The following SYNJ1 variants were observed in gnomAD, a reference collection of about 807,000 sequenced individuals.
SYNJ1 encodes synaptojanin 1.
In SYNJ1, 78 loss-of-function variants were observed where a neutral mutation model predicts 168.2. The observed-to-expected ratio is 0.46, with a 90% confidence interval of 0.39 to 0.56. SYNJ1 has a LOEUF of 0.56. SYNJ1 is among the 20% of genes least tolerant of loss of function. The pLI is 0.00. For synonymous variants in SYNJ1, 539 were observed against 548.6 expected (o/e 0.98, Z 0.24); for missense variants, 1,303 against 1,597.6 (o/e 0.82, Z 3.14).
At chr21:32,701,338 C>G (rs1362612024) in intron 3 of SYNJ1, among the ~76,000 whole-genome samples, 1 of 152,130 alleles carries the variant, frequency 6.6e-6, no homozygotes, top group Non-Finnish European at 1.5e-5. Flanking sequence ...TTTAGTTGAG[C>G]TGACTTTTTT....
At position 32,702,051 on chromosome 21, in the gene SYNJ1, CA is replaced by C. The variant is rs769191151; in HGVS notation, c.125-5del. On this transcript the variant is annotated splice_region_variant and splice_polypyrimidine_tract_variant and intron_variant, in intron 2 of 32. Coordinates refer to ENST00000674351, the MANE Select transcript of SYNJ1 (RefSeq NM_203446.3). ...ATTGCCTCTTTTTCTGCAGATGCTACAAAAAAAAGTTTTAGTTTAAGAAAAA... is the reference window on the plus strand; with the variant it reads ...ATTGCCTCTTTTTCTGCAGATGCTACAAAAAAAGTTTTAGTTTAAGAAAAA... 121 of 1,541,752 alleles carry C rather than the reference CA, an allele frequency of 7.8e-5. No homozygotes were observed. Among genetic ancestry groups the C allele is most frequent in the South Asian group, 2.7e-4 (21 of 78,078 alleles).
chr21:32,685,949 T>C, intron 8 of SYNJ1, 32 bp from the exon 9 acceptor site: 1 of 1,588,646 alleles, frequency 6.3e-7, no homozygotes, highest in Non-Finnish European at 8.5e-7. Flanking sequence ...TTCATCTAAA[T>C]GAAAGTAAAA....
chr21:32,656,826 T>C lies in SYNJ1; in HGVS notation c.2656A>G (p.Ile886Val). The C allele has an allele frequency of 6.2e-7, 1 of 1,614,184 alleles. No individual in the cohort carries two copies. Residue 886 changes from isoleucine to valine, a missense_variant, in exon 21 of 33, where the codon ATT (isoleucine) becomes GTT (valine). Around this residue, in one of 2 missense-constraint regions of SYNJ1, gnomAD observed 920 missense variants for 1,208.8 expected, o/e 0.76. Transcript: ENST00000674351. ...CCATCTGGTGGACCCTGAACTGCAA[T>C]TACTTCTTTATAAATGTTTTGCCTC... ...EERQNIYKEV[I>V]AVQGPPDGTV...
intron 19 of SYNJ1, 114 bp downstream of exon 19, chr21:32,657,602 A>G: frequency 1.1e-6 from 1 of 936,786 alleles, no homozygotes; most frequent in Non-Finnish European, 1.5e-6. Context: ...TATTTATTCT[A>G]TTCCAGTTAA....
chr21:32,657,173 C>A (rs977088067), intron 19 of SYNJ1, 53 bp from the exon 20 acceptor site: 2 of 1,237,526 alleles, frequency 1.6e-6, no homozygotes, highest in Admixed American at 1.8e-5. Context: ...CAGGACAGAT[C>A]GTGTAGAGCA....
In SYNJ1 at chr21:32,645,714, G is replaced by T. The variant is rs765767792; in HGVS notation, c.3323C>A (p.Pro1108Gln). The change falls in exon 25 of 33, where the codon CCG becomes CAG. Residue 1108 changes from proline (P) to glutamine (Q), a missense_variant. By Grantham distance (76) the Pro-to-Gln change is moderately conservative (BLOSUM62 -1). This residue lies in a region of SYNJ1 where 383 missense variants were observed against 388.8 expected (regional missense o/e 0.99). Coordinates refer to ENST00000674351, the MANE Select transcript of SYNJ1 (RefSeq NM_203446.3). ...DPAQPLEPKR[P>Q]PPPRPVAPPT... Reference sequence around the variant, plus strand: ...AGGGGCGACCGGGCGGGGCGGCGGCGGCCGCTTGGGCTCCAAGGGCTGGGC... The same window carrying T: ...AGGGGCGACCGGGCGGGGCGGCGGCTGCCGCTTGGGCTCCAAGGGCTGGGC... The T allele has an allele frequency of 1.0e-5, 15 of 1,472,040 alleles. No individual in the cohort carries two copies. Among genetic ancestry groups the T allele is most frequent in the South Asian group, 1.4e-5 (1 of 69,738 alleles). The allele number at this position is 1,472,040 out of a possible 1,614,324, so 91.2% of individuals were successfully genotyped here.
chr21:32,642,203 T>C, intron 27 of SYNJ1, 70 bp from the exon 28 acceptor site: 1 of 1,564,246 alleles, frequency 6.4e-7, no homozygotes, highest in Non-Finnish European at 8.8e-7. Flanking sequence ...TAACATCAGC[T>C]TGCTGTTCTG....
At chr21:32,657,621 G>A in intron 19 of SYNJ1, 95 bp downstream of exon 19, 2 of 1,219,820 alleles carry the variant, frequency 1.6e-6, no homozygotes, top group Non-Finnish European at 2.2e-6. Flanking sequence ...AATGTTTCTT[G>A]AAAAACAATA....
At position 32,643,449 on chromosome 21, in the gene SYNJ1, C is replaced by A; in HGVS notation, c.3439G>T (p.Ala1147Ser). 1.2e-6 allele frequency: 2 copies of A among 1,613,586 alleles called. No individual in the cohort carries two copies. Among genetic ancestry groups the A allele is most frequent in the Non-Finnish European group, 1.7e-6 (2 of 1,179,700 alleles). The change falls in exon 27 of 33, where the codon GCC becomes TCC. Residue 1147 changes from alanine (A) to serine (S), a missense_variant. Ala to Ser is a moderately conservative substitution (Grantham distance 99). Coordinates refer to ENST00000674351, the MANE Select transcript of SYNJ1 (RefSeq NM_203446.3). ...PTRKEFGGIG[A>S]PPSPGVARRE... ...CTAGCTACCCCAGGACTGGGAGGGG[C>A]TCCAATACCTTTTTAGAGAAAGAAC...
Position 32,667,153 on chromosome 21 carries a change from T to A in SYNJ1, c.1812-580A>T, listed in dbSNP as rs190410497. On this transcript the variant is annotated intron_variant, in intron 15 of 32. Coordinates refer to ENST00000674351, the MANE Select transcript of SYNJ1 (RefSeq NM_203446.3). ...CACATGTTCAGTATAGACACAATTT[T>A]AAAAAATATTTAATATTTTGATGAG... 1.3e-3 allele frequency among the ~76,000 whole-genome samples: 191 copies of A among 152,202 alleles called. 1 individual carries two copies. Among genetic ancestry groups the A allele is most frequent in the Middle Eastern group, 3.4e-3 (1 of 294 alleles).
At chr21:32,726,412 A>G (rs559388841) in intron 2 of SYNJ1, among the ~76,000 whole-genome samples, 50 of 152,314 alleles carry the variant, frequency 3.3e-4, no homozygotes, top group African/African-American at 1.2e-3. Flanking sequence ...AATACCTACT[A>G]CTATAACTGA....
chr21:32,695,279 A>G lies in SYNJ1; in HGVS notation c.483T>C (p.Asn161=). ...GTTTGAGATGCAAATGCAAAGACTG[A>G]TTCCTAATAGGAAAAGAAATAAATG... is the stretch of plus-strand genomic sequence containing the variant. ...EQTTDNRFFW[N]QSLHLHLKHY... Residue 161 remains asparagine (N), a synonymous_variant, in exon 5 of 33, where the codon AAT becomes AAC. Coordinates refer to ENST00000674351, the MANE Select transcript of SYNJ1 (RefSeq NM_203446.3). The G allele has an allele frequency of 6.2e-7, 1 of 1,613,226 alleles. No individual in the cohort carries two copies. Among genetic ancestry groups the G allele is most frequent in the South Asian group, 1.1e-5 (1 of 90,928 alleles).
In SYNJ1 at chr21:32,726,916, C is replaced by A. The variant is rs1330429181; in HGVS notation, c.-21G>T. The A allele has an allele frequency of 1.4e-5, 23 of 1,613,754 alleles. No individual in the cohort carries two copies. The highest frequency in any genetic ancestry group is 1.9e-5 in the Non-Finnish European group (23 of 1,179,818). ...GCCATTCTCCTTTCTTCGGAGGCAG[C>A]CCTGCGAAAACCAAGCAAAGCAAAG... is the stretch of plus-strand genomic sequence containing the variant. On this transcript the variant is annotated splice_region_variant and 5_prime_UTR_variant, in exon 2 of 33. Transcript: ENST00000674351.
chr21:32,720,444 C>T (rs2043179516), intron 2 of SYNJ1, among the ~76,000 whole-genome samples: 1 of 152,030 alleles, frequency 6.6e-6, no homozygotes, highest in Non-Finnish European at 1.5e-5. Context: ...ATAAAGATCT[C>T]AGAATATCAT....
chr21:32,725,098 A>C (rs973623112), intron 2 of SYNJ1, among the ~76,000 whole-genome samples: 1 of 152,198 alleles, frequency 6.6e-6, no homozygotes, highest in Non-Finnish European at 1.5e-5. Flanking sequence ...CTTGGAGTAA[A>C]GTGTAGCAAT....
rs749432509 is a variant in SYNJ1 at position 32,643,453 on chromosome 21, A to G, written c.3435T>C (p.Ile1145=). ...PAPTRKEFGG[I]GAPPSPGVAR... is the part of the protein sequence containing the mutation. The stretch of plus-strand genomic sequence containing the variant: ...CTACCCCAGGACTGGGAGGGGCTCC[A>G]ATACCTTTTTAGAGAAAGAACAGAA... The change falls in exon 27 of 33, where the codon ATT becomes ATC. Residue 1145 remains isoleucine (I), a synonymous_variant. Transcript: ENST00000674351. 40 of 1,613,676 alleles carry G rather than the reference A, an allele frequency of 2.5e-5. No homozygotes were observed. The highest frequency in any genetic ancestry group is 3.2e-5 in the Non-Finnish European group (38 of 1,179,772).
chr21:32,720,977 G>C (rs1601542324), intron 2 of SYNJ1, among the ~76,000 whole-genome samples: 1 of 152,196 alleles, frequency 6.6e-6, no homozygotes, highest in African/African-American at 2.4e-5. Flanking sequence ...TCCTTCTCCT[G>C]TGACAGTCTT....
chr21:32,672,587 G>A (rs748592661), intron 14 of SYNJ1, among the ~76,000 whole-genome samples: 1 of 152,108 alleles, frequency 6.6e-6, no homozygotes, highest in Non-Finnish European at 1.5e-5. Context: ...TGATCCACCT[G>A]CCTCGGCCTC....
At chr21:32,718,895 C>T (rs2043117358) in intron 2 of SYNJ1, among the ~76,000 whole-genome samples, 1 of 152,156 alleles carries the variant, frequency 6.6e-6, no homozygotes, top group Admixed American at 6.5e-5. Flanking sequence ...CACTCTTAAC[C>T]TTAACGCCTT....
Sources: gnomAD v4.1 joint callset for allele counts (sites outside exome capture counted in the v4.1 genomes callset) on GRCh38, gnomAD v4.1.1 for gene constraint, gnomAD v4.1.1 regional missense constraint, MANE v1.5 for transcripts, NCBI Gene and HGNC (gene_info 2026-07-23, HGNC 2026-07-21) for gene names.